The following AP3D1 variants were observed in gnomAD, a reference collection of about 807,000 sequenced individuals.
AP3D1 encodes the protein adaptor related protein complex 3 subunit delta 1.
In AP3D1, 51 loss-of-function variants were observed where a neutral mutation model predicts 147.6. That is an observed-to-expected ratio of 0.35 (90% CI 0.28 to 0.44). AP3D1 has a LOEUF of 0.44. AP3D1 is among the 20% of genes least tolerant of loss of function. The pLI is 1.00. For synonymous variants in AP3D1, 760 were observed against 663.0 expected, an observed-to-expected ratio of 1.15 and a Z score of -2.25; for missense variants, 1,421 against 1,624.2, an observed-to-expected ratio of 0.87 and a Z score of 2.15.
At chr19:2,152,902 CTG>C (rs1027638806), upstream of AP3D1, among the ~76,000 whole-genome samples, 1 of 151,714 alleles carries the variant, frequency 6.6e-6, no homozygotes, top group Non-Finnish European at 1.5e-5. Flanking sequence ...ACCAAAAAAA[CTG>C]GGGTAAGATA....
intron 1 of AP3D1, among the ~76,000 whole-genome samples, chr19:2,143,280 G>A (rs1455324866): frequency 1.7e-5 from 2 of 117,966 alleles, no homozygotes; most frequent in African/African-American, 3.3e-5. Context: ...CTGCTCTGTC[G>A]CCCAGGCTGG....
intron 2 of AP3D1, 50 bp downstream of exon 2, chr19:2,138,569 T>G (rs760224075): frequency 3.6e-6 from 5 of 1,376,658 alleles, no homozygotes; most frequent in Non-Finnish European, 5.2e-6. Flanking sequence ...ACGTGCTGAG[T>G]GGAGAAGCAG....
intron 1 of AP3D1, among the ~76,000 whole-genome samples, chr19:2,150,841 G>A (rs2019487435): frequency 6.6e-6 from 1 of 152,216 alleles, no homozygotes; most frequent in Non-Finnish European, 1.5e-5. Flanking sequence ...TCTGCCCAGA[G>A]ACCTCGCAAG....
chr19:2,163,222 C>T (rs1026512515), intron 1 of AP3D1, among the ~76,000 whole-genome samples: 15 of 152,072 alleles, frequency 9.9e-5, no homozygotes, highest in East Asian at 3.9e-4. Context: ...TACAGGCGCC[C>T]GCCACCGCGC....
At position 2,115,527 on chromosome 19, in the gene AP3D1, G is replaced by C. The variant is rs756214095; in HGVS notation, c.2149+11C>G. On this transcript the variant is annotated intron_variant, in intron 19 of 31. Coordinates refer to ENST00000643116, the MANE Select transcript of AP3D1 (RefSeq NM_001261826.3). ...TGACAAATGCGGCGCCGACACACCGGAGACACTTGCCTGGAACCTTCAAGG... is the reference window on the plus strand; with the variant it reads ...TGACAAATGCGGCGCCGACACACCGCAGACACTTGCCTGGAACCTTCAAGG... 6.8e-6 allele frequency: 11 copies of C among 1,612,722 alleles called. No homozygotes were observed. The South Asian group carries it at 1.1e-4, about 16-fold the overall frequency.
upstream of AP3D1, among the ~76,000 whole-genome samples, chr19:2,154,836 A>G (rs946454006): frequency 6.6e-6 from 1 of 152,228 alleles, no homozygotes; most frequent in African/African-American, 2.4e-5. Flanking sequence ...TGGCCCAATT[A>G]CGTTTCTTTA....
chr19:2,102,891 G>T (rs2017998639), intron 31 of AP3D1, among the ~76,000 whole-genome samples: 2 of 152,102 alleles, frequency 1.3e-5, no homozygotes, highest in Non-Finnish European at 2.9e-5. Flanking sequence ...GAGGTTGCAT[G>T]TGAGTTGAGA....
chr19:2,127,892 T>C (rs2018802651), intron 8 of AP3D1, among the ~76,000 whole-genome samples: 1 of 152,228 alleles, frequency 6.6e-6, no homozygotes, highest in Non-Finnish European at 1.5e-5. Context: ...TGCTTACAGC[T>C]TTACAGTCAC....
Position 2,111,798 on chromosome 19 carries a change from T to G in AP3D1, c.2818A>C (p.Arg940=). The stretch of plus-strand genomic sequence containing the variant: ...TTGGTCCGCTCCTCCTTCTCCTTCC[T>G]GTGCTTCTTCTTCTTAGGCTTGGGA... The part of the protein sequence containing the change: ...KSPKPKKKKH[R]KEKEERTKGK... The change falls in exon 25 of 32, where the codon AGG becomes CGG. Residue 940 remains arginine, a synonymous_variant. Transcript: ENST00000643116. 1 of 1,613,996 alleles carries G rather than the reference T, an allele frequency of 6.2e-7. No individual in the cohort carries two copies. Among genetic ancestry groups the G allele is most frequent in the Non-Finnish European group, 8.5e-7 (1 of 1,179,956 alleles).
intron 1 of AP3D1, among the ~76,000 whole-genome samples, chr19:2,138,975 G>A (rs955539874): frequency 1.1e-4 from 15 of 139,592 alleles, no homozygotes; most frequent in African/African-American, 3.1e-4. Flanking sequence ...CAGGAGAATC[G>A]TTTAAACCTG....
Position 2,114,780 on chromosome 19 carries a change from G to A in AP3D1, c.2391C>T (p.Asp797=), listed in dbSNP as rs755192224. ...GGTCAATATCCAGAGCCCTGTAGGG[G>A]TCGTTGGGGTCTTTGTCATCCTCGT... The part of the protein sequence containing the change: ...PSDEDDKDPN[D]PYRALDIDLD... The change falls in exon 21 of 32, where the codon GAC becomes GAT. Residue 797 remains aspartate (D), a synonymous_variant. Transcript: ENST00000643116. 6.2e-6 allele frequency: 10 copies of A among 1,613,974 alleles called. No homozygotes were observed. The East Asian group carries it at 1.6e-4, about 25-fold the overall frequency.
Position 2,110,016 on chromosome 19 carries a change from A to G in AP3D1, c.3265-58T>C. 1.9e-6 allele frequency: 3 copies of G among 1,598,486 alleles called. No individual in the cohort carries two copies. The South Asian group carries it at 3.3e-5, about 18-fold the overall frequency. On this transcript the variant is annotated intron_variant, in intron 28 of 31. Transcript: ENST00000643116. ...GGGAGTCGGGCCCAGCTCAGGGCTC[A>G]GGGTTCCCCAGGCAGGTGGCCCACT...
At chr19:2,116,151 C>A in intron 18 of AP3D1, 56 bp downstream of exon 18, 1 of 1,561,410 alleles carries the variant, frequency 6.4e-7, no homozygotes, top group Non-Finnish European at 8.8e-7. Flanking sequence ...TGCCGCGGGG[C>A]TCGGGTGGTG....
At chr19:2,140,031 A>C (rs978816784) in intron 1 of AP3D1, among the ~76,000 whole-genome samples, 4 of 152,056 alleles carry the variant, frequency 2.6e-5, no homozygotes, top group African/African-American at 9.7e-5. Context: ...AACTTTGTAC[A>C]ATGGAAAGAG....
intron 24 of AP3D1, chr19:2,112,409 C>T: frequency 5.8e-6 from 1 of 171,900 alleles, no homozygotes; most frequent in Non-Finnish European, 1.2e-5. Context: ...AGACGCCACA[C>T]ACAAAAGACC....
At chr19:2,136,691 G>A (rs898255833) in intron 4 of AP3D1, among the ~76,000 whole-genome samples, 3 of 152,228 alleles carry the variant, frequency 2.0e-5, no homozygotes, top group Admixed American at 1.3e-4. Flanking sequence ...GAGAAGGGAA[G>A]AAAGTGGGTG....
At chr19:2,161,104 C>T (rs1477033709) in intron 1 of AP3D1, among the ~76,000 whole-genome samples, 1 of 151,216 alleles carries the variant, frequency 6.6e-6, no homozygotes, top group African/African-American at 2.4e-5. Context: ...GTCCTAGGAC[C>T]CCCAGGGTCC....
At chr19:2,163,052 TTTAATTAAA>T (rs1482994640) in intron 1 of AP3D1, among the ~76,000 whole-genome samples, 2 of 151,912 alleles carry the variant, frequency 1.3e-5, no homozygotes. Flanking sequence ...AAACTTATAG[TTTAATTAAA>T]TTAATTAATT....
rs182606414 is a variant in AP3D1, at chr19:2,117,365, C to T, written c.1716G>A (p.Ala572=). 23 of 1,599,226 alleles carry T rather than the reference C, an allele frequency of 1.4e-5. No individual in the cohort carries two copies. Among genetic ancestry groups the T allele is most frequent in the East Asian group, 4.5e-5 (2 of 44,362 alleles). The part of the protein sequence containing the change: ...QSADLEVQER[A]SCILQLVKHI... ...GCTTGACCAGCTGCAGGATGCAGGA[C>T]GCCTGTGGGGGACACAGGGGTCACT... Residue 572 remains alanine (A), a splice_region_variant and synonymous_variant, in exon 16 of 32, where the codon GCG becomes GCA. Coordinates refer to ENST00000643116, the MANE Select transcript of AP3D1 (RefSeq NM_001261826.3).
Sources: allele counts gnomAD v4.1 joint callset (sites outside exome capture counted in the v4.1 genomes callset), GRCh38; gene constraint gnomAD v4.1.1; transcripts MANE v1.5; gene names NCBI Gene and HGNC (gene_info 2026-07-23, HGNC 2026-07-21).